The following VPS13B variants were observed in gnomAD, a reference collection of about 807,000 sequenced individuals.
VPS13B encodes the protein vacuolar protein sorting 13 homolog B.
In VPS13B, 285 loss-of-function variants were observed where a neutral mutation model predicts 426.4. That is an observed-to-expected ratio of 0.67 (90% CI 0.61 to 0.74). VPS13B has a LOEUF of 0.74. VPS13B is among the 30% of genes least tolerant of loss of function. The pLI is 0.00. For synonymous variants in VPS13B, 1,676 were observed against 1,676.4 expected (o/e 1.00, Z 0.01); for missense variants, 4,537 against 4,782.6 (o/e 0.95, Z 1.51).
At chr8:99,774,154 C>G (rs1424992271) in intron 40 of VPS13B, among the ~76,000 whole-genome samples, 1 of 152,112 alleles carries the variant, frequency 6.6e-6, no homozygotes, top group African/African-American at 2.4e-5. Context: ...AAGTTGTATT[C>G]AAATTACATA....
intron 21 of VPS13B, among the ~76,000 whole-genome samples, chr8:99,425,377 G>A (rs1269997209): frequency 6.6e-6 from 1 of 152,196 alleles, no homozygotes; most frequent in East Asian, 1.9e-4. Context: ...ATGATCAAGT[G>A]GGCTTCATCC....
chr8:99,202,635 C>G (rs946318244), intron 17 of VPS13B, among the ~76,000 whole-genome samples: 2 of 152,162 alleles, frequency 1.3e-5, no homozygotes, highest in African/African-American at 4.8e-5. Flanking sequence ...GGAGCTGGTA[C>G]CATTCCTTCT....
chr8:99,580,385 GT>G (rs1256073625), intron 33 of VPS13B, among the ~76,000 whole-genome samples: 1 of 150,038 alleles, frequency 6.7e-6, no homozygotes, highest in Non-Finnish European at 1.5e-5. Flanking sequence ...TAGAGATGAG[GT>G]TTCACCATAT....
At chr8:99,730,407 G>T (rs1171047250) in intron 39 of VPS13B, among the ~76,000 whole-genome samples, 2 of 152,164 alleles carry the variant, frequency 1.3e-5, no homozygotes, top group Admixed American at 1.3e-4. Context: ...TGGATCAACT[G>T]CTAAGTGTTT....
chr8:99,673,695 ATTGT>A (rs1830809008), intron 35 of VPS13B, among the ~76,000 whole-genome samples: 1 of 151,068 alleles, frequency 6.6e-6, no homozygotes, highest in African/African-American at 2.4e-5. Flanking sequence ...GTAATGTGAG[ATTGT>A]TTATTTTAGC....
chr8:99,707,249 G>A (rs1832531260), intron 36 of VPS13B, among the ~76,000 whole-genome samples: 2 of 152,198 alleles, frequency 1.3e-5, no homozygotes, highest in African/African-American at 4.8e-5. Context: ...CCAGCTGGTT[G>A]TGTCAAAAGT....
intron 19 of VPS13B, among the ~76,000 whole-genome samples, chr8:99,381,768 G>A (rs1233684189): frequency 6.8e-6 from 1 of 147,252 alleles, no homozygotes; most frequent in Non-Finnish European, 1.5e-5. Flanking sequence ...TTTTTTTCTT[G>A]TAGATTTCTT....
chr8:99,279,343 G>A (rs187705471), intron 19 of VPS13B, among the ~76,000 whole-genome samples: 10 of 152,042 alleles, frequency 6.6e-5, no homozygotes, highest in Middle Eastern at 3.4e-3. Context: ...TGCAGTGGGC[G>A]CGATCTCAGC....
intron 36 of VPS13B, among the ~76,000 whole-genome samples, chr8:99,712,676 G>C (rs1832750911): frequency 6.7e-6 from 1 of 149,074 alleles, no homozygotes; most frequent in South Asian, 2.1e-4. Context: ...TCCTAATTCT[G>C]TGCAATTTTA....
At chr8:99,035,299 CTCTA>C (rs1168170986) in intron 2 of VPS13B, among the ~76,000 whole-genome samples, 6 of 152,164 alleles carry the variant, frequency 3.9e-5, no homozygotes, top group Non-Finnish European at 1.5e-5. Flanking sequence ...AACTGAAACT[CTCTA>C]TCTATTGAAC....
At chr8:99,110,494 A>G (rs974053354) in intron 5 of VPS13B, among the ~76,000 whole-genome samples, 3 of 151,992 alleles carry the variant, frequency 2.0e-5, no homozygotes, top group Non-Finnish European at 4.4e-5. Context: ...TGATAATACA[A>G]GTGTTTTATA....
At chr8:99,664,698 T>C (rs922592156) in intron 35 of VPS13B, among the ~76,000 whole-genome samples, 8 of 152,336 alleles carry the variant, frequency 5.3e-5, no homozygotes, top group Middle Eastern at 6.8e-3. Flanking sequence ...GTGCCACATT[T>C]TCTTAATCCA....
intron 34 of VPS13B, among the ~76,000 whole-genome samples, chr8:99,650,282 A>G (rs1015684572): frequency 3.3e-5 from 5 of 152,108 alleles, no homozygotes; most frequent in African/African-American, 1.2e-4. Context: ...CGTGTCACCA[A>G]TAAGCACACA....
intron 21 of VPS13B, among the ~76,000 whole-genome samples, chr8:99,413,049 A>G (rs1815779329): frequency 6.6e-6 from 1 of 152,100 alleles, no homozygotes; most frequent in Admixed American, 6.5e-5. Flanking sequence ...GTAGGTTTTG[A>G]TATCAGGAAG....
chr8:99,110,161 A>G (rs1847286332), intron 5 of VPS13B, among the ~76,000 whole-genome samples: 1 of 152,170 alleles, frequency 6.6e-6, no homozygotes, highest in African/African-American at 2.4e-5. Context: ...TTAAAAACTT[A>G]TAAAATAAAA....
At chr8:99,606,227 A>G (rs1400225336) in intron 33 of VPS13B, among the ~76,000 whole-genome samples, 1 of 152,144 alleles carries the variant, frequency 6.6e-6, no homozygotes, top group East Asian at 1.9e-4. Context: ...ATATTTTGGT[A>G]AATCTTCCTC....
chr8:99,454,794 C>G (rs1192607629), intron 23 of VPS13B, among the ~76,000 whole-genome samples: 1 of 152,124 alleles, frequency 6.6e-6, no homozygotes, highest in African/African-American at 2.4e-5. Flanking sequence ...TACTCACTAG[C>G]ATTTGGTGTT....
intron 39 of VPS13B, among the ~76,000 whole-genome samples, chr8:99,730,526 G>A (rs372355828): frequency 1.4e-4 from 21 of 151,876 alleles, no homozygotes; most frequent in East Asian, 1.4e-3. Context: ...GTAAAAGTAT[G>A]AAAAAAAGAT....
chr8:99,720,221 A>C, intron 37 of VPS13B, 124 bp from the exon 38 acceptor site: 1 of 785,456 alleles, frequency 1.3e-6, no homozygotes, highest in Non-Finnish European at 2.0e-6. Context: ...TAGGAATTAT[A>C]GTTTATAAGT....
Sources: gnomAD v4.1 joint callset for allele counts (sites outside exome capture counted in the v4.1 genomes callset) on GRCh38, gnomAD v4.1.1 for gene constraint, MANE v1.5 for transcripts, NCBI Gene and HGNC (gene_info 2026-07-23, HGNC 2026-07-21) for gene names.